TMEM269: variants seen among roughly 807,000 people sequenced by gnomAD.
The protein encoded by TMEM269 is transmembrane protein 269.
Under a neutral mutation model 15.8 loss-of-function variants are expected in TMEM269, and 12 were observed. The observed-to-expected ratio is 0.76, with a 90% CI of 0.49 to 1.23. TMEM269 has a LOEUF of 1.23. TMEM269 is among the 50% of genes most tolerant of loss of function. TMEM269 has a pLI of 0.00. For missense variants in TMEM269, 211 were observed against 245.4 expected (o/e 0.86, Z 0.94); for synonymous variants, 93 against 99.3 (o/e 0.94, Z 0.38).
At chr1:42,794,072 C>A (rs984404239) in intron 4 of TMEM269, among the ~76,000 whole-genome samples, 1 of 152,168 alleles carries the variant, frequency 6.6e-6, no homozygotes, top group Non-Finnish European at 1.5e-5. Context: ...AGAAACCATG[C>A]TCCAGTGAGG....
chr1:42,787,301 G>T (rs1292946260), intron 1 of TMEM269, among the ~76,000 whole-genome samples: 1 of 152,140 alleles, frequency 6.6e-6, no homozygotes, highest in Non-Finnish European at 1.5e-5. Context: ...TGGAAAGTAG[G>T]GACAAGAACC....
At chr1:42,787,326 C>T (rs193217938) in intron 1 of TMEM269, among the ~76,000 whole-genome samples, 95 of 152,244 alleles carry the variant, frequency 6.2e-4, no homozygotes, top group South Asian at 2.1e-4. Context: ...CCTGGCCGGG[C>T]GCGGTGGCTC....
intron 1 of TMEM269, among the ~76,000 whole-genome samples, chr1:42,787,233 A>G (rs1653558591): frequency 6.6e-6 from 1 of 152,218 alleles, no homozygotes; most frequent in African/African-American, 2.4e-5. Flanking sequence ...TTGTTCTGCC[A>G]CTTCTGGTGT....
At chr1:42,794,124 T>C (rs750153965) in intron 4 of TMEM269, among the ~76,000 whole-genome samples, 1 of 152,192 alleles carries the variant, frequency 6.6e-6, no homozygotes, top group South Asian at 2.1e-4. Flanking sequence ...GGAGAGCAGA[T>C]ACAGCACAGG....
At chr1:42,793,444 C>G (rs988206812) in intron 3 of TMEM269, among the ~76,000 whole-genome samples, 157 bp from the exon 4 acceptor site, 2 of 152,200 alleles carry the variant, frequency 1.3e-5, no homozygotes, top group Admixed American at 1.3e-4. Flanking sequence ...AGGAGGAGAT[C>G]CCGAGCTTTG....
chr1:42,786,659 G>A (rs1193237069), intron 1 of TMEM269, among the ~76,000 whole-genome samples: 1 of 152,204 alleles, frequency 6.6e-6, no homozygotes, highest in African/African-American at 2.4e-5. Context: ...CCCCGTGGCA[G>A]GCTGAGCCCC....
rs573759532 is a variant in TMEM269 at position 42,789,668 on chromosome 1, C to T, written c.-98-128C>T. The T allele has an allele frequency of 9.9e-6, 8 of 810,840 alleles. No individual in the cohort carries two copies. In the South Asian group the frequency reaches 1.3e-4, roughly 13 times the overall value. The allele number at this position is 810,840 out of a possible 1,614,324, so 50.2% of individuals were successfully genotyped here. ...TCATCTACCTCCTGTCTCCCTTAGT[C>T]CAGCCAGTGAAACAGAATGTAGGGA... On this transcript the variant is annotated intron_variant, in intron 1 of 5. Transcript: ENST00000637012.
chr1:42,787,634 A>AT (rs1653568965), intron 1 of TMEM269, among the ~76,000 whole-genome samples: 1 of 144,394 alleles, frequency 6.9e-6, no homozygotes, highest in South Asian at 2.3e-4. Context: ...AAAAAAAAAA[A>AT]AGAACCCTTG....
At chr1:42,789,311 G>A in intron 1 of TMEM269, 1 of 775,176 alleles carries the variant, frequency 1.3e-6, no homozygotes, top group Admixed American at 2.2e-5. Flanking sequence ...GGACCTTGAG[G>A]CACCTCAGCT....
Position 42,788,446 on chromosome 1 carries a change from AG to A in TMEM269, c.-98-1349del, listed in dbSNP as rs1402547894. ...ATGGGGCTCTTTCTCCAAGAGACTC[AG>A]TTTCTCAAGCAGATTGAGTGTAAGG... On this transcript the variant is annotated intron_variant, in intron 1 of 5. Transcript: ENST00000637012. This position sits in a 1 kb window ranked among gnomAD's most constrained non-coding sequence, Gnocchi z 4.0. 6.6e-6 allele frequency among the ~76,000 whole-genome samples: 1 copy of A among 152,132 alleles called. No individual in the cohort carries two copies. The highest frequency in any genetic ancestry group is 1.5e-5 in the Non-Finnish European group (1 of 68,022).
At position 42,794,558 on chromosome 1, in the gene TMEM269, T is replaced by G. The variant is rs1325745604; in HGVS notation, c.429T>G (p.Tyr143Ter). ...TCTTCATGATGGACCAGAGCTACTA[T>G]CCATATGACAAAATCCTGGAGTCTG... is the stretch of plus-strand genomic sequence containing the variant. ...MILFMMDQSY[Y>*]PYDKILESEN... The change falls in exon 5 of 6, where the codon TAT (tyrosine) becomes TAG (stop). Residue 143 changes from tyrosine to a stop codon, truncating the protein, a stop_gained. Coordinates refer to ENST00000637012, the MANE Select transcript of TMEM269 (RefSeq NM_001354602.2). LOFTEE classifies it high-confidence loss of function. 1.9e-6 allele frequency: 3 copies of G among 1,550,878 alleles called. No individual in the cohort carries two copies. In the South Asian group the frequency reaches 3.6e-5, roughly 18 times the overall value.
chr1:42,789,584 T>C (rs1653643580), intron 1 of TMEM269: 2 of 1,332,468 alleles, frequency 1.5e-6, no homozygotes, highest in Non-Finnish European at 2.1e-6. Context: ...CACTCTGCTG[T>C]TGAGCTTTCC....
chr1:42,798,103 A>T lies in TMEM269; in HGVS notation c.490A>T (p.Ile164Phe). 1 of 1,551,210 alleles carries T rather than the reference A, an allele frequency of 6.4e-7. No individual in the cohort carries two copies. The change falls in exon 6 of 6, where the codon ATC (isoleucine) becomes TTC (phenylalanine). Residue 164 changes from isoleucine (I) to phenylalanine (F), a missense_variant. Transcript: ENST00000637012. The stretch of plus-strand genomic sequence containing the variant: ...TGCACTTTTTGTTCTTCCAGGTGTC[A>T]TCATGCTGTTTTTCTCCCCATTGTC... ...WKKLVYIGGV[I>F]MLFFSPLSLS... is the part of the protein sequence containing the mutation.
In TMEM269 at chr1:42,797,853, C is replaced by A; in HGVS notation, c.485-245C>A. 1.5e-6 allele frequency: 1 copy of A among 646,712 alleles called. No homozygotes were observed. Among genetic ancestry groups the A allele is most frequent in the Non-Finnish European group, 2.9e-6 (1 of 341,190 alleles). The allele number at this position is 646,712 out of a possible 1,614,324, so 40.1% of individuals were successfully genotyped here. ...AAAGGCAATTCAGATTTATTATTGGCTGGAACTTCTGATGTGAATTTGACA... is the reference window on the plus strand; with the variant it reads ...AAAGGCAATTCAGATTTATTATTGGATGGAACTTCTGATGTGAATTTGACA... On this transcript the variant is annotated intron_variant, in intron 5 of 5. Transcript: ENST00000637012. This position sits in a 1 kb window ranked among gnomAD's most constrained non-coding sequence, Gnocchi z 4.9.
At chr1:42,785,705 C>T (rs1653528648) in intron 1 of TMEM269, among the ~76,000 whole-genome samples, 1 of 152,250 alleles carries the variant, frequency 6.6e-6, no homozygotes, top group African/African-American at 2.4e-5. Flanking sequence ...TCTGGTCACC[C>T]CTCCCTCCCA....
intron 2 of TMEM269, among the ~76,000 whole-genome samples, chr1:42,792,160 A>G (rs1653697982): frequency 6.6e-6 from 1 of 152,188 alleles, no homozygotes; most frequent in Non-Finnish European, 1.5e-5. Flanking sequence ...CAAGACAGAA[A>G]TTACCAATAT....
At chr1:42,785,426 AC>A (rs1437890589) in intron 1 of TMEM269, among the ~76,000 whole-genome samples, 1 of 151,340 alleles carries the variant, frequency 6.6e-6, no homozygotes, top group Non-Finnish European at 1.5e-5. Context: ...TCAGTTAGAA[AC>A]CTCAGAGCCA....
rs955864852 is a variant in TMEM269, at chr1:42,799,060, A to G, written c.*835A>G. On this transcript the variant is annotated 3_prime_UTR_variant, in exon 6 of 6. Coordinates refer to ENST00000637012, the MANE Select transcript of TMEM269 (RefSeq NM_001354602.2). ...CGCCCGGCCTACATTCTGTATTTTA[A>G]TAGTTCAAAGCTGCCGCCTTTTGCT... 3 of 151,704 alleles carry G rather than the reference A, an allele frequency of 2.0e-5. No individual in the cohort carries two copies. Among genetic ancestry groups the G allele is most frequent in the African/African-American group, 7.3e-5 (3 of 41,302 alleles). 9.4% of individuals were successfully genotyped at this position (151,704 alleles called of 1,614,324 possible).
At chr1:42,787,457 G>A (rs1185370448) in intron 1 of TMEM269, among the ~76,000 whole-genome samples, 1 of 151,318 alleles carries the variant, frequency 6.6e-6, no homozygotes, top group Non-Finnish European at 1.5e-5. Flanking sequence ...AAAATTAGCC[G>A]GGCGCGGTGG....
Sources: gnomAD v4.1 joint callset for allele counts (sites outside exome capture counted in the v4.1 genomes callset) on GRCh38, gnomAD v4.1.1 for gene constraint, Gnocchi (gnomAD v3.1) non-coding constraint, MANE v1.5 for transcripts, NCBI Gene and HGNC (gene_info 2026-07-23, HGNC 2026-07-21) for gene names.